FBXW7: variants seen among roughly 807,000 people sequenced by gnomAD.
FBXW7 encodes F-box/WD repeat-containing protein 7.
FBXW7 carries 11 observed loss-of-function variants against 86.3 expected under a neutral mutation model. The ratio of observed to expected loss-of-function variants is 0.13; its 90% CI spans 0.08 to 0.21. The LOEUF is 0.21. Among genes scored for constraint, FBXW7 ranks in the 10% least tolerant of loss-of-function variants. The pLI, the probability that FBXW7 is intolerant of heterozygous loss-of-function variation, is 1.00. For missense variants in FBXW7, 488 were observed against 847.4 expected (o/e 0.58, Z 5.27); for synonymous variants, 313 against 297.9 (o/e 1.05, Z -0.52).
intron 4 of FBXW7, among the ~76,000 whole-genome samples, chr4:152,394,085 G>C (rs1736214223): frequency 1.3e-5 from 2 of 152,066 alleles, no homozygotes; most frequent in Admixed American, 1.3e-4. Flanking sequence ...AATTTACGAA[G>C]TGTTCTCTAA....
chr4:152,533,126 G>T (rs1355682384), intron 2 of FBXW7, among the ~76,000 whole-genome samples: 2 of 151,724 alleles, frequency 1.3e-5, no homozygotes, highest in Non-Finnish European at 2.9e-5. Flanking sequence ...GGAGGCGGAG[G>T]TTGCAGTGAG....
At chr4:152,498,295 C>A (rs1456194775) in intron 2 of FBXW7, among the ~76,000 whole-genome samples, 2 of 150,616 alleles carry the variant, frequency 1.3e-5, no homozygotes, top group Admixed American at 1.3e-4. Context: ...TTTGTCAAGG[C>A]AAAAAAAAAC....
intron 4 of FBXW7, among the ~76,000 whole-genome samples, chr4:152,407,200 A>C (rs1335787814): frequency 6.6e-6 from 1 of 152,148 alleles, no homozygotes; most frequent in Non-Finnish European, 1.5e-5. Context: ...TGTTAGGGGA[A>C]AACCCATCTC....
intron 4 of FBXW7, among the ~76,000 whole-genome samples, chr4:152,363,660 A>C (rs2126708075): frequency 6.6e-6 from 1 of 152,338 alleles, no homozygotes; most frequent in Middle Eastern, 3.4e-3. Flanking sequence ...CTTTTCAAAA[A>C]GATGTTTTCT....
rs1022205288 is a variant in FBXW7, at chr4:152,439,182, T to G, written c.-119-26653A>C. The stretch of plus-strand genomic sequence containing the variant: ...ATTCCACAATGTTAAAACCATCTGG[T>G]CAAGCTGTGAGTACAGATAGAAAAT... On this transcript the variant is annotated intron_variant, in intron 2 of 13. Coordinates refer to ENST00000281708, the MANE Select transcript of FBXW7 (RefSeq NM_001349798.2). Among the ~76,000 whole-genome samples, 3 of 152,058 alleles carry G rather than the reference T, an allele frequency of 2.0e-5. No homozygotes were observed. The South Asian group carries it at 6.2e-4, about 32-fold the overall frequency.
At chr4:152,335,982 T>C (rs1432106539) in intron 7 of FBXW7, among the ~76,000 whole-genome samples, 1 of 152,176 alleles carries the variant, frequency 6.6e-6, no homozygotes, top group African/African-American at 2.4e-5. Context: ...AGTTTTGAGA[T>C]ATGGCCAAAG....
chr4:152,323,000 C>A lies in FBXW7; in HGVS notation c.2005G>T (p.Gly669Trp), dbSNP rs2126462001. Residue 669 changes from glycine (G) to tryptophan (W), a missense_variant, in exon 14 of 14, where the codon GGG becomes TGG. By Grantham distance (184) the Gly-to-Trp change is radical (BLOSUM62 -2). Around this residue, in one of 4 missense-constraint regions of FBXW7, gnomAD observed 142 missense variants for 406.6 expected, o/e 0.35. Transcript: ENST00000281708. The stretch of plus-strand genomic sequence containing the variant: ...GCTCTGATCCGCCACACAACTCCCC[C>A]ACTCCCCCCACTCTCCAATGTGACT... Reference protein sequence around the residue: ...NLVTLESGGSGGVVWRIRASN... With the variant: ...NLVTLESGGSWGVVWRIRASN... 1 of 1,613,838 alleles carries A rather than the reference C, an allele frequency of 6.2e-7. No individual in the cohort carries two copies. The highest frequency in any genetic ancestry group is 8.5e-7 in the Non-Finnish European group (1 of 1,179,840).
At position 152,403,442 on chromosome 4, in the gene FBXW7, C is replaced by T. The variant is rs567182307; in HGVS notation, c.501+7861G>A. On this transcript the variant is annotated intron_variant, in intron 4 of 13. Coordinates refer to ENST00000281708, the MANE Select transcript of FBXW7 (RefSeq NM_001349798.2). Reference sequence around the variant, plus strand: ...GCAGTGAGCTGAGATTGCACCACTGCACTCCAGCCTGGGCAACAGAGCCAG... The same window carrying T: ...GCAGTGAGCTGAGATTGCACCACTGTACTCCAGCCTGGGCAACAGAGCCAG... Among the ~76,000 whole-genome samples, 249 of 149,652 alleles carry T rather than the reference C, an allele frequency of 1.7e-3. 1 individual carries two copies. The highest frequency in any genetic ancestry group is 6.0e-3 in the African/African-American group (241 of 40,476).
chr4:152,333,626 GAACT>G (rs1729783211), intron 7 of FBXW7, among the ~76,000 whole-genome samples: 1 of 152,000 alleles, frequency 6.6e-6, no homozygotes. Context: ...TAAATGACAA[GAACT>G]AACATAAATT....
rs780673225 is a variant in FBXW7 at position 152,323,167 on chromosome 4, G to T, written c.1856-18C>A. 1.4e-5 allele frequency: 22 copies of T among 1,607,314 alleles called. No homozygotes were observed. The Admixed American group carries it at 2.9e-4, about 21-fold the overall frequency. ...GTTGGGACCTAGACAAAAACCAAAA[G>T]AATTTAATTACTGGTTAGAAATAAT... On this transcript the variant is annotated intron_variant, in intron 13 of 13. Coordinates refer to ENST00000281708, the MANE Select transcript of FBXW7 (RefSeq NM_001349798.2).
chr4:152,515,429 T>A (rs1282922988), intron 2 of FBXW7, among the ~76,000 whole-genome samples: 1 of 152,144 alleles, frequency 6.6e-6, no homozygotes, highest in Non-Finnish European at 1.5e-5. Flanking sequence ...CTCAATAAAA[T>A]CAACTTAAAA....
chr4:152,362,351 G>T (rs1171651804), intron 4 of FBXW7, among the ~76,000 whole-genome samples: 1 of 152,100 alleles, frequency 6.6e-6, no homozygotes, highest in East Asian at 1.9e-4. Flanking sequence ...CTACCCAAAA[G>T]AATATCAATT....
At position 152,329,647 on chromosome 4, in the gene FBXW7, T is replaced by A. The variant is rs1279895505; in HGVS notation, c.1236+25A>T. The A allele has an allele frequency of 6.5e-6, 8 of 1,232,324 alleles. No individual in the cohort carries two copies. In the African/African-American group the frequency reaches 1.1e-4, roughly 17 times the overall value. The allele number at this position is 1,232,324 out of a possible 1,614,324, so 76.3% of individuals were successfully genotyped here. On this transcript the variant is annotated intron_variant, in intron 10 of 13. Transcript: ENST00000281708. The stretch of plus-strand genomic sequence containing the variant: ...TGATATACACAAAATTATGACTTTG[T>A]GAAGTGTAGGAAGAGTAAACTTACT...
chr4:152,419,396 A>G (rs1264686300), intron 2 of FBXW7, among the ~76,000 whole-genome samples: 1 of 151,852 alleles, frequency 6.6e-6, no homozygotes, highest in Admixed American at 6.6e-5. Context: ...CATCATTTTC[A>G]GTTTTAAGAA....
chr4:152,331,012 T>C, intron 8 of FBXW7, 144 bp from the exon 9 acceptor site: 1 of 716,998 alleles, frequency 1.4e-6, no homozygotes, highest in East Asian at 2.8e-5. Flanking sequence ...TTTCCAATAC[T>C]GTTATCACAG....
In FBXW7 at chr4:152,411,534, GTCC is replaced by G. The variant is rs1204010284; in HGVS notation, c.267_269del (p.Glu89del). ...CTTGTTCTTCTTGGTTTCCTGAGGA[GTCC>G]TCATCTACCGAAATAAATCTATTAT... On this transcript the variant is annotated inframe_deletion, in exon 4 of 14. Transcript: ENST00000281708. 6.2e-7 allele frequency: 1 copy of G among 1,613,718 alleles called. No individual in the cohort carries two copies. The highest frequency in any genetic ancestry group is 8.5e-7 in the Non-Finnish European group (1 of 1,179,926).
At chr4:152,471,685 G>C (rs1743982464) in intron 2 of FBXW7, among the ~76,000 whole-genome samples, 1 of 152,114 alleles carries the variant, frequency 6.6e-6, no homozygotes, top group African/African-American at 2.4e-5. Context: ...GACTGCTTGA[G>C]GCCAGGAGTC....
At chr4:152,344,766 A>G (rs1731093119) in intron 6 of FBXW7, among the ~76,000 whole-genome samples, 1 of 152,186 alleles carries the variant, frequency 6.6e-6, no homozygotes, top group African/African-American at 2.4e-5. Context: ...TTTAAAATTG[A>G]GAAATATCCT....
At chr4:152,323,329 T>C (rs1728713806) in intron 13 of FBXW7, 180 bp from the exon 14 acceptor site, 1 of 724,940 alleles carries the variant, frequency 1.4e-6, no homozygotes, top group Non-Finnish European at 2.2e-6. Flanking sequence ...GAAAATCTGG[T>C]AGTGATTTGT....
Sources: gnomAD v4.1 joint callset for allele counts (sites outside exome capture counted in the v4.1 genomes callset) on GRCh38, gnomAD v4.1.1 for gene constraint, gnomAD v4.1.1 regional missense constraint, MANE v1.5 for transcripts, NCBI Gene and HGNC (gene_info 2026-07-23, HGNC 2026-07-21) for gene names.